Variants in DOCK3 observed in about 807,000 individuals in gnomAD.
DOCK3 encodes dedicator of cytokinesis protein 3.
Under a neutral mutation model 265.6 loss-of-function variants are expected in DOCK3, and 60 were observed. That is an observed-to-expected ratio of 0.23 (90% CI 0.18 to 0.28). DOCK3 has a LOEUF of 0.28. DOCK3 is among the 10% of genes least tolerant of loss of function. The pLI is 1.00. For missense variants in DOCK3, 1,981 were observed against 2,594.3 expected (o/e 0.76, Z 5.14); for synonymous variants, 881 against 938.0 (o/e 0.94, Z 1.11).
chr3:50,828,320 G>T (rs1241487709), intron 2 of DOCK3, among the ~76,000 whole-genome samples: 1 of 152,114 alleles, frequency 6.6e-6, no homozygotes, highest in Non-Finnish European at 1.5e-5. Flanking sequence ...AACTACATTT[G>T]TCCCTCTTGT....
chr3:50,857,201 A>G (rs1006369267), intron 3 of DOCK3, among the ~76,000 whole-genome samples: 1 of 152,120 alleles, frequency 6.6e-6, no homozygotes, highest in African/African-American at 2.4e-5. Context: ...AGAGTTAGGA[A>G]GGAGTTCCTC....
intron 1 of DOCK3, among the ~76,000 whole-genome samples, chr3:50,677,525 G>A (rs1267607031): frequency 1.3e-5 from 2 of 152,168 alleles, no homozygotes; most frequent in African/African-American, 4.8e-5. Context: ...TTGAGTTTCA[G>A]CTTTGATTTT....
At chr3:51,165,088 G>A (rs1282787705) in intron 12 of DOCK3, among the ~76,000 whole-genome samples, 2 of 151,836 alleles carry the variant, frequency 1.3e-5, no homozygotes, top group African/African-American at 4.8e-5. Context: ...ACAGGCACTC[G>A]CTGCCACGCC....
At chr3:50,922,784 C>A (rs1242012151) in intron 4 of DOCK3, among the ~76,000 whole-genome samples, 2 of 149,612 alleles carry the variant, frequency 1.3e-5, no homozygotes, top group African/African-American at 2.5e-5. Context: ...TTTTTCTCTC[C>A]ATAGGTTGTT....
intron 12 of DOCK3, among the ~76,000 whole-genome samples, chr3:51,203,778 C>T (rs901445407): frequency 9.9e-5 from 15 of 152,166 alleles, no homozygotes; most frequent in African/African-American, 3.6e-4. Flanking sequence ...TACAAGGCTA[C>T]AGTAACCAAA....
intron 1 of DOCK3, among the ~76,000 whole-genome samples, chr3:50,709,058 GT>G (rs2036592662): frequency 6.6e-6 from 1 of 152,202 alleles, no homozygotes; most frequent in African/African-American, 2.4e-5. Flanking sequence ...CTTGGCAACT[GT>G]GATACCAAGA....
chr3:51,091,862 C>T (rs867899287), intron 9 of DOCK3, among the ~76,000 whole-genome samples: 2 of 151,964 alleles, frequency 1.3e-5, no homozygotes, highest in African/African-American at 4.8e-5. Context: ...GAGGGCAAGC[C>T]GAAGCAGGGT....
At chr3:51,116,219 A>G (rs1053663645) in intron 9 of DOCK3, among the ~76,000 whole-genome samples, 9 of 152,054 alleles carry the variant, frequency 5.9e-5, no homozygotes, top group Non-Finnish European at 1.2e-4. Flanking sequence ...TGGGAGGCCA[A>G]GGTGGGCAGA....
At chr3:51,242,087 T>G (rs994093949) in intron 21 of DOCK3, among the ~76,000 whole-genome samples, 8 of 149,180 alleles carry the variant, frequency 5.4e-5, no homozygotes, top group South Asian at 2.1e-4. Flanking sequence ...CTTTGGATGG[T>G]TTTTTTTTTC....
At chr3:50,858,806 C>T (rs781444053) in intron 3 of DOCK3, among the ~76,000 whole-genome samples, 1 of 151,918 alleles carries the variant, frequency 6.6e-6, no homozygotes, top group Non-Finnish European at 1.5e-5. Flanking sequence ...TAGATTTGGC[C>T]TCTTTTTTAC....
At chr3:51,253,437 T>TGGTA (rs1199421922) in intron 22 of DOCK3, among the ~76,000 whole-genome samples, 1 of 152,082 alleles carries the variant, frequency 6.6e-6, no homozygotes, top group Non-Finnish European at 1.5e-5. Context: ...TCAGAAGGAG[T>TGGTA]GGTACCAGCT....
intron 30 of DOCK3, 30 bp downstream of exon 30, chr3:51,312,606 T>C (rs1165688032): frequency 1.1e-5 from 17 of 1,543,318 alleles, no homozygotes; most frequent in Non-Finnish European, 1.5e-5. Context: ...TTCATCTCCT[T>C]ACCACTTGGC....
intron 3 of DOCK3, among the ~76,000 whole-genome samples, chr3:50,855,484 G>A (rs1326646228): frequency 5.9e-5 from 9 of 151,994 alleles, no homozygotes; most frequent in African/African-American, 1.9e-4. Context: ...AAGTATAGAC[G>A]TGACACTGGT....
intron 35 of DOCK3, among the ~76,000 whole-genome samples, chr3:51,336,530 G>A (rs943327180): frequency 6.6e-6 from 1 of 152,172 alleles, no homozygotes. Flanking sequence ...ACTCAGGTGA[G>A]CCGGATGCTT....
At chr3:50,709,316 T>C (rs1182787571) in intron 1 of DOCK3, among the ~76,000 whole-genome samples, 1 of 152,188 alleles carries the variant, frequency 6.6e-6, no homozygotes, top group African/African-American at 2.4e-5. Context: ...GAAATTTCTG[T>C]ATAGAAGCTT....
At chr3:51,263,466 A>T (rs1266323413) in intron 23 of DOCK3, among the ~76,000 whole-genome samples, 2 of 152,262 alleles carry the variant, frequency 1.3e-5, no homozygotes, top group African/African-American at 4.8e-5. Flanking sequence ...CTGCAAAAAC[A>T]TACCAAATTA....
At chr3:51,158,413 G>A (rs1336952580) in intron 10 of DOCK3, among the ~76,000 whole-genome samples, 2 of 152,094 alleles carry the variant, frequency 1.3e-5, no homozygotes, top group East Asian at 3.8e-4. Flanking sequence ...GGGCATGATG[G>A]TGCACACCTG....
At chr3:50,689,801 T>G (rs1423863441) in intron 1 of DOCK3, among the ~76,000 whole-genome samples, 2 of 152,138 alleles carry the variant, frequency 1.3e-5, no homozygotes, top group Non-Finnish European at 2.9e-5. Flanking sequence ...AAGCTTTGCT[T>G]CTTTACCCAC....
chr3:50,719,040 T>G (rs2037308880), intron 1 of DOCK3, among the ~76,000 whole-genome samples: 1 of 152,098 alleles, frequency 6.6e-6, no homozygotes, highest in Non-Finnish European at 1.5e-5. Flanking sequence ...CACCTCAGCC[T>G]CCCAAAGTGC....
Sources: allele counts gnomAD v4.1 joint callset (sites outside exome capture counted in the v4.1 genomes callset), GRCh38; gene constraint gnomAD v4.1.1; transcripts MANE v1.5; gene names NCBI Gene and HGNC (gene_info 2026-07-23, HGNC 2026-07-21).